The following NCKAP5 variants were observed in gnomAD, a reference collection of about 807,000 sequenced individuals.
NCKAP5 encodes the protein NCK associated protein 5, also known as nck-associated protein 5.
In NCKAP5, 92 loss-of-function variants were observed where a neutral mutation model predicts 167.0. That is an observed-to-expected ratio of 0.55 (90% CI 0.47 to 0.66). NCKAP5 has a LOEUF of 0.66. Among genes scored for constraint, NCKAP5 ranks in the 30% least tolerant of loss-of-function variants. The pLI is 0.00. For synonymous variants in NCKAP5, 891 were observed against 877.4 expected (o/e 1.02, Z -0.27); for missense variants, 2,378 against 2,315.0 (o/e 1.03, Z -0.56).
intron 10 of NCKAP5, among the ~76,000 whole-genome samples, chr2:132,864,877 G>A (rs1459818140): frequency 6.6e-6 from 1 of 152,140 alleles, no homozygotes. Flanking sequence ...ATTGTCCACA[G>A]GGCCTTGAAG....
intron 4 of NCKAP5, among the ~76,000 whole-genome samples, chr2:133,263,915 T>C (rs559918917): frequency 1.3e-5 from 2 of 152,330 alleles, no homozygotes; most frequent in African/African-American, 4.8e-5. Context: ...ATCTCAAGAA[T>C]GCTTTGTAGC....
intron 4 of NCKAP5, among the ~76,000 whole-genome samples, chr2:133,226,255 T>TC (rs2086885570): frequency 1.3e-5 from 2 of 151,962 alleles, no homozygotes; most frequent in African/African-American, 4.8e-5. Context: ...AAGGTGGTTT[T>TC]TAGGCTAAAT....
chr2:133,608,053 A>G, the NCKAP5 span, among the ~76,000 whole-genome samples: 1 of 152,290 alleles, frequency 6.6e-6, no homozygotes, highest in South Asian at 2.1e-4. Flanking sequence ...CTATGTATTC[A>G]ACAAATACCT....
chr2:133,371,389 C>T (rs985340375), intron 3 of NCKAP5, among the ~76,000 whole-genome samples: 2 of 152,216 alleles, frequency 1.3e-5, no homozygotes, highest in African/African-American at 4.8e-5. Flanking sequence ...CACAATCAGA[C>T]ATCTGTGCGT....
At chr2:133,028,187 A>AT (rs1213981759) in intron 6 of NCKAP5, among the ~76,000 whole-genome samples, 3 of 152,252 alleles carry the variant, frequency 2.0e-5, no homozygotes, top group East Asian at 1.9e-4. Context: ...TGTCCTTAAC[A>AT]TTTTTTTATT....
chr2:132,764,367 GACAA>G (rs2104881563), intron 16 of NCKAP5, among the ~76,000 whole-genome samples: 1 of 152,306 alleles, frequency 6.6e-6, no homozygotes, highest in African/African-American at 2.4e-5. Context: ...CTAACTTCAT[GACAA>G]ACAGAGTTTA....
intron 6 of NCKAP5, among the ~76,000 whole-genome samples, chr2:133,101,711 T>C (rs1452453043): frequency 6.6e-6 from 1 of 152,154 alleles, no homozygotes; most frequent in Non-Finnish European, 1.5e-5. Flanking sequence ...AAAAAACAAA[T>C]TCTGAGGCAG....
intron 3 of NCKAP5, among the ~76,000 whole-genome samples, chr2:133,309,642 T>C (rs926304855): frequency 6.6e-6 from 1 of 152,246 alleles, no homozygotes; most frequent in Non-Finnish European, 1.5e-5. Context: ...TTAATGCACA[T>C]GTTTCAGGGC....
intron 5 of NCKAP5, among the ~76,000 whole-genome samples, chr2:133,198,762 G>A (rs1376801263): frequency 6.6e-6 from 1 of 152,164 alleles, no homozygotes; most frequent in Non-Finnish European, 1.5e-5. Flanking sequence ...ACTGGAGGTA[G>A]TGTGAGGAAA....
intron 3 of NCKAP5, among the ~76,000 whole-genome samples, chr2:133,371,383 A>G (rs1685795533): frequency 6.6e-6 from 1 of 152,200 alleles, no homozygotes; most frequent in African/African-American, 2.4e-5. Context: ...AAGAAGCACA[A>G]TCAGACATCT....
intron 7 of NCKAP5, among the ~76,000 whole-genome samples, chr2:132,983,874 A>G (rs2077210227): frequency 6.6e-6 from 1 of 152,182 alleles, no homozygotes; most frequent in Non-Finnish European, 1.5e-5. Context: ...GCCACAGCAA[A>G]TAATTATTAG....
chr2:133,664,523 CAG>C, the NCKAP5 span, among the ~76,000 whole-genome samples: 2 of 152,262 alleles, frequency 1.3e-5, no homozygotes, highest in African/African-American at 4.8e-5. Context: ...GTTTTTAAGA[CAG>C]AGTCTCGCTC....
chr2:132,964,702 G>T (rs192672347), intron 7 of NCKAP5, among the ~76,000 whole-genome samples: 60 of 152,210 alleles, frequency 3.9e-4, no homozygotes, highest in African/African-American at 1.4e-3. Context: ...ACACAATGCT[G>T]CAGAAATCTT....
At chr2:132,868,908 A>AG in intron 10 of NCKAP5, 28 bp downstream of exon 10, 4 of 1,529,420 alleles carry the variant, frequency 2.6e-6, no homozygotes, top group Non-Finnish European at 3.5e-6. Flanking sequence ...AAGTGCCTTG[A>AG]AAAGAACAAA....
At chr2:133,520,301 A>G (rs1030065927) in intron 2 of NCKAP5, among the ~76,000 whole-genome samples, 1 of 152,234 alleles carries the variant, frequency 6.6e-6, no homozygotes, top group African/African-American at 2.4e-5. Context: ...CAAAAACTAC[A>G]GAGGCTTGTA....
intron 19 of NCKAP5, among the ~76,000 whole-genome samples, chr2:132,678,802 G>A (rs1429809431): frequency 1.3e-5 from 2 of 152,118 alleles, no homozygotes; most frequent in Non-Finnish European, 2.9e-5. Context: ...CAGGACTTGG[G>A]ATCTTAATCA....
intron 2 of NCKAP5, among the ~76,000 whole-genome samples, chr2:133,536,926 AT>A (rs1305026393): frequency 2.0e-5 from 3 of 151,938 alleles, no homozygotes; most frequent in Non-Finnish European, 2.9e-5. Flanking sequence ...AAGTTTTATA[AT>A]TTTAGCTCTT....
At chr2:133,158,972 T>A (rs1369758097) in intron 5 of NCKAP5, among the ~76,000 whole-genome samples, 1 of 133,080 alleles carries the variant, frequency 7.5e-6, no homozygotes, top group Non-Finnish European at 1.7e-5. Context: ...CACACCCTAA[T>A]CCCTAGAAAA....
chr2:133,234,513 G>T (rs189059205), intron 4 of NCKAP5, among the ~76,000 whole-genome samples: 1 of 152,262 alleles, frequency 6.6e-6, no homozygotes, highest in Admixed American at 6.5e-5. Flanking sequence ...TGAGGAATAA[G>T]CTAGCTCTTG....
Sources: allele counts gnomAD v4.1 joint callset (sites outside exome capture counted in the v4.1 genomes callset), GRCh38; gene constraint gnomAD v4.1.1; transcripts MANE v1.5; gene names NCBI Gene and HGNC (gene_info 2026-07-23, HGNC 2026-07-21).